Variants in TBL1XR1 observed in about 807,000 individuals in gnomAD.
The protein encoded by TBL1XR1 is TBL1X/Y related 1.
A neutral mutation model predicts 66.9 loss-of-function variants in TBL1XR1; 5 were observed. That is an observed-to-expected ratio of 0.07 (90% confidence interval 0.04 to 0.16). TBL1XR1 has a LOEUF of 0.16. Ranked by LOEUF, TBL1XR1 falls within the 10% of genes least tolerant of loss-of-function variation. The probability of loss-of-function intolerance (pLI) is 1.00; values close to 1 mark genes in which losing one functional copy is unlikely to be tolerated. For missense variants in TBL1XR1, 238 were observed against 623.2 expected (o/e 0.38, Z 6.58); for synonymous variants, 210 against 206.0 (o/e 1.02, Z -0.17).
chr3:177,094,672 C>G (rs770156067), intron 2 of TBL1XR1, among the ~76,000 whole-genome samples: 3 of 152,186 alleles, frequency 2.0e-5, no homozygotes, highest in Non-Finnish European at 4.4e-5. Context: ...TCATAGCACC[C>G]TGGATGGAAT....
chr3:177,111,157 C>T (rs901606876), intron 1 of TBL1XR1, among the ~76,000 whole-genome samples: 7 of 152,110 alleles, frequency 4.6e-5, no homozygotes, highest in African/African-American at 1.7e-4. Context: ...ACTATCATCA[C>T]CATCACCATA....
chr3:177,194,913 C>A (rs1246167171), intron 1 of TBL1XR1, among the ~76,000 whole-genome samples: 1 of 152,058 alleles, frequency 6.6e-6, no homozygotes, highest in East Asian at 1.9e-4. Context: ...CCATTTACCA[C>A]CAGTGTCTCC....
intron 1 of TBL1XR1, among the ~76,000 whole-genome samples, chr3:177,172,466 C>T (rs1004206533): frequency 6.6e-6 from 1 of 151,396 alleles, no homozygotes; most frequent in African/African-American, 2.4e-5. Flanking sequence ...ATTAGAAAAC[C>T]ACAGTCATCG....
In TBL1XR1 at chr3:177,025,422, G is replaced by T; in HGVS notation, c.*76C>A. 6.8e-7 allele frequency: 1 copy of T among 1,473,090 alleles called. No individual in the cohort carries two copies. The highest frequency in any genetic ancestry group is 9.5e-7 in the Non-Finnish European group (1 of 1,057,170). The allele number at this position is 1,473,090 out of a possible 1,614,324, so 91.3% of individuals were successfully genotyped here. A position where few individuals can be genotyped will look rare whatever the true frequency, so the allele number is the denominator to read the frequency against. Reference sequence around the variant, plus strand: ...TGGCCATGGTTCAAGTGGGACTATAGCAGTACATGGGTCAGGGACAGTCAT... The same window carrying T: ...TGGCCATGGTTCAAGTGGGACTATATCAGTACATGGGTCAGGGACAGTCAT... On this transcript the variant is annotated 3_prime_UTR_variant, in exon 16 of 16. Coordinates refer to ENST00000457928, the MANE Select transcript of TBL1XR1 (RefSeq NM_024665.7).
intron 4 of TBL1XR1, among the ~76,000 whole-genome samples, chr3:177,051,947 T>C (rs1056539134): frequency 3.9e-5 from 6 of 152,140 alleles, no homozygotes; most frequent in African/African-American, 1.4e-4. Context: ...CATACTATTA[T>C]TACAGTATAG....
chr3:177,183,062 T>C (rs1028303191), intron 1 of TBL1XR1, among the ~76,000 whole-genome samples: 1 of 152,160 alleles, frequency 6.6e-6, no homozygotes, highest in Non-Finnish European at 1.5e-5. Flanking sequence ...TGAGGCACCA[T>C]AACTTCAGAA....
intron 2 of TBL1XR1, among the ~76,000 whole-genome samples, chr3:177,072,136 C>T (rs945133180): frequency 2.6e-5 from 4 of 152,152 alleles, no homozygotes; most frequent in Admixed American, 2.6e-4. Context: ...AGACACACAG[C>T]AATGTACTTC....
rs140630418 is a variant in TBL1XR1, at chr3:177,148,646, G to T, written c.-122+48475C>A. 2.3e-3 allele frequency among the ~76,000 whole-genome samples: 341 copies of T among 145,262 alleles called. 4 individuals are homozygous for T. Among genetic ancestry groups the T allele is most frequent in the Admixed American group, 0.02 (298 of 14,700 alleles). On this transcript the variant is annotated intron_variant, in intron 1 of 15. Coordinates refer to ENST00000457928, the MANE Select transcript of TBL1XR1 (RefSeq NM_024665.7). ...AGGAGAATCACTTGAACCCAGGAGGGGGAGATTGCAGTGAGCCGAGATCAC... is the reference window on the plus strand; with the variant it reads ...AGGAGAATCACTTGAACCCAGGAGGTGGAGATTGCAGTGAGCCGAGATCAC...
In TBL1XR1 at chr3:177,024,417, A is replaced by C. The variant is rs1042728146; in HGVS notation, c.*1081T>G. 2 of 152,582 alleles carry C rather than the reference A, an allele frequency of 1.3e-5. No homozygotes were observed. The allele number at this position is 152,582 out of a possible 1,614,324, so 9.5% of individuals were successfully genotyped here. Reference sequence around the variant, plus strand: ...TTACATTACATATTTAAGCTTCTACACAGAATGATGGACACTTCGAGAAGC... The same window carrying C: ...TTACATTACATATTTAAGCTTCTACCCAGAATGATGGACACTTCGAGAAGC... On this transcript the variant is annotated 3_prime_UTR_variant, in exon 16 of 16. Coordinates refer to ENST00000457928, the MANE Select transcript of TBL1XR1 (RefSeq NM_024665.7).
chr3:177,031,650 T>C (rs1221290301), intron 14 of TBL1XR1, among the ~76,000 whole-genome samples: 3 of 147,194 alleles, frequency 2.0e-5, no homozygotes, highest in Non-Finnish European at 4.5e-5. Context: ...ATTAGAAGGC[T>C]CATGGTGGCT....
chr3:177,077,852 A>G (rs1720885582), intron 2 of TBL1XR1, among the ~76,000 whole-genome samples: 1 of 152,232 alleles, frequency 6.6e-6, no homozygotes, highest in South Asian at 2.1e-4. Context: ...GCTCTTCTCA[A>G]AACTGGACAA....
chr3:177,146,897 T>G (rs1730323638), intron 1 of TBL1XR1, among the ~76,000 whole-genome samples: 2 of 152,166 alleles, frequency 1.3e-5, no homozygotes, highest in South Asian at 4.1e-4. Context: ...GCCCAAGAGT[T>G]TTCCCTCTGA....
At chr3:177,188,757 C>T (rs1735753498) in intron 1 of TBL1XR1, among the ~76,000 whole-genome samples, 1 of 152,200 alleles carries the variant, frequency 6.6e-6, no homozygotes, top group Admixed American at 6.5e-5. Context: ...TCTGGGTACT[C>T]TATGTTTACC....
chr3:177,160,464 ACT>A (rs1420265102), intron 1 of TBL1XR1, among the ~76,000 whole-genome samples: 3 of 135,128 alleles, frequency 2.2e-5, no homozygotes, highest in Non-Finnish European at 5.0e-5. Flanking sequence ...ACAGAGCGAG[ACT>A]CTGTCTCAAA....
intron 1 of TBL1XR1, among the ~76,000 whole-genome samples, chr3:177,165,551 T>C (rs1270451005): frequency 1.3e-5 from 2 of 152,170 alleles, no homozygotes; most frequent in Non-Finnish European, 1.5e-5. Context: ...TTTGCCCTAC[T>C]TGACCTCAAG....
At chr3:177,145,100 A>T (rs1171689947) in intron 1 of TBL1XR1, among the ~76,000 whole-genome samples, 2 of 152,186 alleles carry the variant, frequency 1.3e-5, no homozygotes, top group African/African-American at 4.8e-5. Flanking sequence ...AGCTTAACGA[A>T]CAGGAACCTA....
chr3:177,173,974 G>A (rs1326303561), intron 1 of TBL1XR1, among the ~76,000 whole-genome samples: 3 of 152,096 alleles, frequency 2.0e-5, no homozygotes, highest in African/African-American at 7.2e-5. Flanking sequence ...ATCTTTAGAA[G>A]TGTTGTCAAA....
At chr3:177,054,001 C>T in intron 3 of TBL1XR1, 83 bp from the exon 4 acceptor site, 1 of 1,417,960 alleles carries the variant, frequency 7.1e-7, no homozygotes. Flanking sequence ...TCACCATCAT[C>T]TTTTCAAATC....
At chr3:177,158,505 G>A (rs1272349823) in intron 1 of TBL1XR1, among the ~76,000 whole-genome samples, 1 of 152,080 alleles carries the variant, frequency 6.6e-6, no homozygotes, top group African/African-American at 2.4e-5. Context: ...GGGATTACCG[G>A]CGTGAACCAC....
Sources: allele counts gnomAD v4.1 joint callset (sites outside exome capture counted in the v4.1 genomes callset), GRCh38; gene constraint gnomAD v4.1.1; transcripts MANE v1.5; gene names NCBI Gene and HGNC (gene_info 2026-07-23, HGNC 2026-07-21).